DCTN2: variants seen among roughly 807,000 people sequenced by gnomAD.
DCTN2 encodes the protein 50 kDa dynein-associated polypeptide.
Under a neutral mutation model 55.4 loss-of-function variants are expected in DCTN2, and 18 were observed. That is an observed-to-expected ratio of 0.32 (90% CI 0.22 to 0.48). The LOEUF is 0.48. DCTN2 is among the 20% of genes least tolerant of loss of function. The pLI, the probability that DCTN2 is intolerant of heterozygous loss-of-function variation, is 0.99. For synonymous variants in DCTN2, 168 were observed against 185.2 expected (o/e 0.91, Z 0.76); for missense variants, 390 against 491.0 (o/e 0.79, Z 1.94).
In DCTN2 at chr12:57,546,013, A is replaced by C; in HGVS notation, c.105+15T>G. On this transcript the variant is annotated intron_variant, in intron 2 of 13. Coordinates refer to ENST00000548249, the MANE Select transcript of DCTN2 (RefSeq NM_001261413.2). ...GTCAGAGTCCGGAGGAGTCTGTGGC[A>C]GCACACATTCTTACCGCATCGAACT... 6.2e-7 allele frequency: 1 copy of C among 1,613,228 alleles called. No individual in the cohort carries two copies.
Position 57,547,160 on chromosome 12 carries a change from G to A in DCTN2, c.-97C>T. 9.8e-7 allele frequency: 1 copy of A among 1,020,670 alleles called. No homozygotes were observed. The highest frequency in any genetic ancestry group is 1.3e-6 in the Non-Finnish European group (1 of 784,170). The allele number at this position is 1,020,670 out of a possible 1,614,324, so 63.2% of individuals were successfully genotyped here. A position where few individuals can be genotyped will look rare whatever the true frequency, so the allele number is the denominator to read the frequency against. On this transcript the variant is annotated 5_prime_UTR_variant, in exon 1 of 14. Coordinates refer to ENST00000548249, the MANE Select transcript of DCTN2 (RefSeq NM_001261413.2). ...CTGGGTTCGGGTCCCGGGCTAAGGC[G>A]GCGGCAAAGGGAGCGGCAGATGAGC... is the stretch of plus-strand genomic sequence containing the variant.
chr12:57,530,495 G>A lies in DCTN2; in HGVS notation c.*194C>T. 3.9e-6 allele frequency: 2 copies of A among 509,788 alleles called. No homozygotes were observed. Among genetic ancestry groups the A allele is most frequent in the Middle Eastern group, 5.3e-4 (1 of 1,900 alleles). 31.6% of individuals were successfully genotyped at this position (509,788 alleles called of 1,614,324 possible). A position where few individuals can be genotyped will look rare whatever the true frequency, so the allele number is the denominator to read the frequency against. On this transcript the variant is annotated 3_prime_UTR_variant, in exon 14 of 14. Coordinates refer to ENST00000548249, the MANE Select transcript of DCTN2 (RefSeq NM_001261413.2). ...GCCTGAGGGGAGACCACCTTCTGAT[G>A]ATAACCAACCCCTAGCTACCACTCT...
chr12:57,541,406 T>C (rs1880682390), intron 2 of DCTN2: 1 of 1,598,380 alleles, frequency 6.3e-7, no homozygotes, highest in Non-Finnish European at 8.5e-7. Context: ...GGAGGGAGGA[T>C]GGGGGAAGCA....
chr12:57,543,669 T>C, intron 2 of DCTN2: 1 of 744,900 alleles, frequency 1.3e-6, no homozygotes, highest in South Asian at 6.0e-5. Flanking sequence ...ATCTTGGCTC[T>C]TCGGGCCCCT....
chr12:57,532,695 C>G (rs118012274), intron 10 of DCTN2, 38 bp downstream of exon 10: 2 of 1,613,752 alleles, frequency 1.2e-6, no homozygotes, highest in Non-Finnish European at 1.7e-6. Context: ...TCCAGAGTCC[C>G]AAGCTATCCA....
At chr12:57,542,655 T>A (rs1880789627) in intron 2 of DCTN2, among the ~76,000 whole-genome samples, 1 of 152,034 alleles carries the variant, frequency 6.6e-6, no homozygotes, top group African/African-American at 2.4e-5. Context: ...CCATCTCTAC[T>A]AAAAATACAG....
At chr12:57,536,782 A>C (rs1025261314) in intron 2 of DCTN2, among the ~76,000 whole-genome samples, 3 of 151,720 alleles carry the variant, frequency 2.0e-5, no homozygotes, top group African/African-American at 7.3e-5. Flanking sequence ...TGCACCAAGC[A>C]CTCCTGACTG....
At chr12:57,537,660 G>C (rs1880353611) in intron 2 of DCTN2, among the ~76,000 whole-genome samples, 1 of 152,174 alleles carries the variant, frequency 6.6e-6, no homozygotes, top group African/African-American at 2.4e-5. Flanking sequence ...TATCAACTTT[G>C]ATCTTTACCT....
At chr12:57,534,921 C>T (rs893458932) in intron 5 of DCTN2, 135 bp downstream of exon 5, 27 of 668,860 alleles carry the variant, frequency 4.0e-5, no homozygotes, top group Non-Finnish European at 6.0e-5. Context: ...CCGCCTGCCT[C>T]GGCCTCCCAA....
At chr12:57,546,579 C>CAA (rs1881181639) in intron 1 of DCTN2, among the ~76,000 whole-genome samples, 1 of 151,854 alleles carries the variant, frequency 6.6e-6, no homozygotes. Context: ...GGCATAGGTT[C>CAA]CCTCAAGGAT....
chr12:57,537,158 A>G (rs1002582073), intron 2 of DCTN2, among the ~76,000 whole-genome samples: 5 of 150,998 alleles, frequency 3.3e-5, no homozygotes, highest in African/African-American at 1.2e-4. Flanking sequence ...CAACATAGGG[A>G]AACCCCAACT....
chr12:57,535,642 A>G (rs762790768), intron 3 of DCTN2, 97 bp from the exon 4 acceptor site: 64 of 1,524,222 alleles, frequency 4.2e-5, no homozygotes, highest in Non-Finnish European at 5.8e-5. Context: ...TATCTCCATG[A>G]GGGACCCCTT....
chr12:57,541,368 G>A (rs763322769), intron 2 of DCTN2: 1 of 1,599,144 alleles, frequency 6.3e-7, no homozygotes, highest in Non-Finnish European at 8.5e-7. Context: ...TCTTACTTGT[G>A]CAAACTAGTG....
intron 2 of DCTN2, chr12:57,543,884 C>T: frequency 1.7e-6 from 2 of 1,204,592 alleles, no homozygotes; most frequent in Non-Finnish European, 2.2e-6. Context: ...CTAGATGCTA[C>T]TAAAATAGGC....
chr12:57,532,476 T>C (rs1879822913), intron 11 of DCTN2, 96 bp downstream of exon 11: 3 of 1,414,654 alleles, frequency 2.1e-6, no homozygotes, highest in South Asian at 2.3e-5. Flanking sequence ...CTTATGAAGA[T>C]GGGGACCTGA....
At chr12:57,536,060 T>G in intron 2 of DCTN2, 2 of 570,250 alleles carry the variant, frequency 3.5e-6, no homozygotes, top group Non-Finnish European at 6.3e-6. Flanking sequence ...ATTAACACCC[T>G]CATTCAACTG....
rs1469985434 is a variant in DCTN2, at chr12:57,532,103, A to G, written c.1031T>C (p.Met344Thr). Reference sequence around the variant, plus strand: ...GTGTGTCAGGAGCTGACCAAACTGCATGGCTACAAAAGAAAAGTATGGTTG... The same window carrying G: ...GTGTGTCAGGAGCTGACCAAACTGCGTGGCTACAAAAGAAAAGTATGGTTG... ...VTIKQLHEQA[M>T]QFGQLLTHLD... Residue 344 changes from methionine (M) to threonine (T), a missense_variant, in exon 13 of 14, where the codon ATG (methionine) becomes ACG (threonine). Around this residue, in one of 2 missense-constraint regions of DCTN2, gnomAD observed 273 missense variants for 303.2 expected, o/e 0.90. Transcript: ENST00000548249. 1.3e-6 allele frequency: 2 copies of G among 1,558,128 alleles called. No individual in the cohort carries two copies. Among genetic ancestry groups the G allele is most frequent in the African/African-American group, 1.4e-5 (1 of 73,416 alleles).
In DCTN2 at chr12:57,534,013, G is replaced by C; in HGVS notation, c.609C>G (p.Ser203Arg). Reference sequence around the variant, plus strand: ...GAGAATGTAGTTCATAAGTGACAAGGCTGCTATCTGGGGGGGTCCCAGTGG... The same window carrying C: ...GAGAATGTAGTTCATAAGTGACAAGCCTGCTATCTGGGGGGGTCCCAGTGG... The part of the protein sequence containing the change: ...GKTTGTPPDS[S>R]LVTYELHSRP... The change falls in exon 7 of 14, where the codon AGC becomes AGG. Residue 203 changes from serine to arginine, a missense_variant. Around this residue, in one of 2 missense-constraint regions of DCTN2, gnomAD observed 273 missense variants for 303.2 expected, o/e 0.90. Coordinates refer to ENST00000548249, the MANE Select transcript of DCTN2 (RefSeq NM_001261413.2). 6.2e-7 allele frequency: 1 copy of C among 1,613,714 alleles called. No homozygotes were observed. The highest frequency in any genetic ancestry group is 8.5e-7 in the Non-Finnish European group (1 of 1,179,766).
Position 57,530,700 on chromosome 12 carries a change from GCTT to G in DCTN2, c.1192_1194del (p.Lys398del). The G allele has an allele frequency of 1.2e-6, 2 of 1,613,798 alleles. No individual in the cohort carries two copies. The highest frequency in any genetic ancestry group is 1.7e-6 in the Non-Finnish European group (2 of 1,179,730). On this transcript the variant is annotated inframe_deletion, in exon 14 of 14. Coordinates refer to ENST00000548249, the MANE Select transcript of DCTN2 (RefSeq NM_001261413.2). ...GCTCCCAAATGTGCTCACTTTCCCAGCTTCTTCATCCGTTCATCAATGCTGGCA... is the reference window on the plus strand; with the variant it reads ...GCTCCCAAATGTGCTCACTTTCCCAGCTTCATCCGTTCATCAATGCTGGCA...
Sources: gnomAD v4.1 joint callset for allele counts (sites outside exome capture counted in the v4.1 genomes callset) on GRCh38, gnomAD v4.1.1 for gene constraint, gnomAD v4.1.1 regional missense constraint, MANE v1.5 for transcripts, NCBI Gene and HGNC (gene_info 2026-07-23, HGNC 2026-07-21) for gene names.